VEZT: variants seen among roughly 807,000 people sequenced by gnomAD.
VEZT encodes vezatin, adherens junctions transmembrane protein.
A neutral mutation model predicts 79.9 loss-of-function variants in VEZT; 39 were observed. That is an observed-to-expected ratio of 0.49 (90% CI 0.38 to 0.64). The LOEUF (loss-of-function observed/expected upper bound fraction) is 0.64. VEZT is among the 30% of genes least tolerant of loss of function. VEZT has a pLI of 0.00. For synonymous variants in VEZT, 325 were observed against 327.6 expected (o/e 0.99, Z 0.09); for missense variants, 837 against 893.1 (o/e 0.94, Z 0.80).
intron 1 of VEZT, among the ~76,000 whole-genome samples, chr12:95,232,062 A>G (rs1352663056): frequency 6.6e-6 from 1 of 152,216 alleles, no homozygotes; most frequent in Non-Finnish European, 1.5e-5. Context: ...ATAGCAATTA[A>G]CAACAGGAGT....
chr12:95,247,993 T>C (rs1314620469), intron 1 of VEZT, among the ~76,000 whole-genome samples: 3 of 152,220 alleles, frequency 2.0e-5, no homozygotes, highest in Admixed American at 1.3e-4. Context: ...GGTTGTCTTC[T>C]ATGAAACTTT....
intron 10 of VEZT, among the ~76,000 whole-genome samples, chr12:95,295,735 A>T (rs749486057): frequency 6.6e-5 from 10 of 152,152 alleles, no homozygotes; most frequent in Non-Finnish European, 1.2e-4. Flanking sequence ...TCTAATTTTG[A>T]TTGGTTTTGA....
intron 3 of VEZT, chr12:95,262,364 A>G (rs1264408243): frequency 1.3e-5 from 2 of 152,228 alleles, no homozygotes; most frequent in African/African-American, 4.8e-5. Context: ...GAAAGAAGAG[A>G]AGGAGAAATA....
chr12:95,292,634 C>T (rs1400970842), intron 9 of VEZT, among the ~76,000 whole-genome samples: 3 of 151,574 alleles, frequency 2.0e-5, no homozygotes, highest in Admixed American at 6.6e-5. Context: ...CTGCAACCTC[C>T]GCCTCCCAAG....
chr12:95,221,869 AAAT>A (rs1387189951), intron 1 of VEZT, among the ~76,000 whole-genome samples: 1 of 152,134 alleles, frequency 6.6e-6, no homozygotes, highest in Non-Finnish European at 1.5e-5. Flanking sequence ...AATATTCAAA[AAAT>A]AATACAAATA....
At chr12:95,279,722 G>T (rs1187489985) in intron 7 of VEZT, among the ~76,000 whole-genome samples, 3 of 152,112 alleles carry the variant, frequency 2.0e-5, no homozygotes, top group African/African-American at 7.2e-5. Flanking sequence ...CTCCCAAGTA[G>T]CTGGAACAAC....
chr12:95,270,281 A>G (rs761415085), intron 6 of VEZT, 93 bp downstream of exon 6: 1 of 1,289,930 alleles, frequency 7.8e-7, no homozygotes, highest in Non-Finnish European at 1.0e-6. Flanking sequence ...TTTACTGTAA[A>G]GTGAGATTGC....
At chr12:95,257,279 G>A in intron 3 of VEZT, 40 bp downstream of exon 3, 1 of 1,431,714 alleles carries the variant, frequency 7.0e-7, no homozygotes, top group Non-Finnish European at 9.5e-7. Flanking sequence ...CAGGGTTCTA[G>A]GTTATTAGTG....
chr12:95,236,575 C>CTT (rs767088513), intron 1 of VEZT, among the ~76,000 whole-genome samples: 9 of 141,972 alleles, frequency 6.3e-5, no homozygotes, highest in South Asian at 2.2e-4. Flanking sequence ...TTACTGAATT[C>CTT]TTTTTTTTTT....
intron 9 of VEZT, among the ~76,000 whole-genome samples, chr12:95,293,124 A>C (rs2073359151): frequency 6.6e-6 from 1 of 152,192 alleles, no homozygotes; most frequent in African/African-American, 2.4e-5. Flanking sequence ...TGCTAGGATT[A>C]CAGGCGTGAG....
At chr12:95,285,039 T>A (rs1361401243) in intron 8 of VEZT, among the ~76,000 whole-genome samples, 1 of 132,474 alleles carries the variant, frequency 7.5e-6, no homozygotes, top group African/African-American at 3.0e-5. Flanking sequence ...TGAGCCAAGA[T>A]CGCACCACTG....
intron 8 of VEZT, among the ~76,000 whole-genome samples, chr12:95,285,755 A>T (rs2070591160): frequency 6.6e-6 from 1 of 152,102 alleles, no homozygotes; most frequent in South Asian, 2.1e-4. Flanking sequence ...GGTAGTTCTA[A>T]TTATTTATGA....
chr12:95,261,085 GATAA>G (rs1404641440), intron 3 of VEZT, among the ~76,000 whole-genome samples: 2 of 149,826 alleles, frequency 1.3e-5, no homozygotes, highest in African/African-American at 4.9e-5. Context: ...TTGGACTGAA[GATAA>G]ATAAAATATA....
At chr12:95,274,661 G>A (rs3816838) in intron 6 of VEZT, 81 bp from the exon 7 acceptor site, 8 of 1,401,978 alleles carry the variant, frequency 5.7e-6, no homozygotes, top group Non-Finnish European at 7.6e-6. Flanking sequence ...TAAAGATTAG[G>A]GAATGTGATA....
Position 95,266,444 on chromosome 12 carries a change from G to C in VEZT, c.522G>C (p.Val174=). ...WIVSSWLVWG[V]ILFVYLVIRA... ...TGTCTTCCTGGCTGGTATGGGGAGT[G>C]ATTCTATTTGTGTATCTGGTCATAA... The change falls in exon 5 of 12, where the codon GTG becomes GTC. Residue 174 remains valine, a synonymous_variant. Coordinates refer to ENST00000436874, the MANE Select transcript of VEZT (RefSeq NM_017599.4). 1 of 1,613,874 alleles carries C rather than the reference G, an allele frequency of 6.2e-7. No individual in the cohort carries two copies.
chr12:95,242,087 CAT>C (rs1464217154), intron 1 of VEZT: 10 of 152,192 alleles, frequency 6.6e-5, no homozygotes, highest in African/African-American at 2.2e-4. Flanking sequence ...AGTTGATACA[CAT>C]GTGATTAACT....
intron 9 of VEZT, 24 bp from the exon 10 acceptor site, chr12:95,294,248 C>T (rs755939076): frequency 1.3e-6 from 2 of 1,535,796 alleles, no homozygotes; most frequent in Admixed American, 1.9e-5. Flanking sequence ...TATCTTTATT[C>T]CCATCTATTC....
rs1317699883 is a variant in VEZT at position 95,301,699 on chromosome 12, A to G, written c.*1026A>G. ...TACAGTTTTGAAACCTGTAGCTCCT[A>G]TGCAATAACATAGTTCTATAGACAT... On this transcript the variant is annotated 3_prime_UTR_variant, in exon 12 of 12. Coordinates refer to ENST00000436874, the MANE Select transcript of VEZT (RefSeq NM_017599.4). 1 of 152,230 alleles carries G rather than the reference A, an allele frequency of 6.6e-6. No individual in the cohort carries two copies. Among genetic ancestry groups the G allele is most frequent in the East Asian group, 1.9e-4 (1 of 5,202 alleles). The allele number at this position is 152,230 out of a possible 1,614,324, so 9.4% of individuals were successfully genotyped here.
chr12:95,275,245 G>GT (rs35393796), intron 7 of VEZT, among the ~76,000 whole-genome samples: 78 of 151,590 alleles, frequency 5.1e-4, no homozygotes, highest in African/African-American at 1.7e-3. Flanking sequence ...AAATTCTTAA[G>GT]TTTTTTTTTC....
Sources: allele counts gnomAD v4.1 joint callset (sites outside exome capture counted in the v4.1 genomes callset), GRCh38; gene constraint gnomAD v4.1.1; transcripts MANE v1.5; gene names NCBI Gene and HGNC (gene_info 2026-07-23, HGNC 2026-07-21).